The following HMBOX1 variants were observed in gnomAD, a reference collection of about 807,000 sequenced individuals.
HMBOX1 encodes the protein homeobox-containing protein 1.
In HMBOX1, 14 loss-of-function variants were observed where a neutral mutation model predicts 54.5. The ratio of observed to expected loss-of-function variants is 0.26; its 90% confidence interval spans 0.17 to 0.40. The LOEUF is 0.40. HMBOX1 is among the 10% of genes least tolerant of loss of function. The probability of loss-of-function intolerance (pLI) is 1.00; values close to 1 mark genes in which losing one functional copy is unlikely to be tolerated. For missense variants in HMBOX1, 332 were observed against 514.4 expected (o/e 0.65, Z 3.43); for synonymous variants, 160 against 181.0 (o/e 0.88, Z 0.93).
intron 1 of HMBOX1, among the ~76,000 whole-genome samples, chr8:28,905,322 A>G (rs1370794574): frequency 6.6e-6 from 1 of 152,054 alleles, no homozygotes; most frequent in Admixed American, 6.5e-5. Flanking sequence ...AAAACAAAAA[A>G]CCAGGCGCGC....
At chr8:28,974,751 G>A (rs1828088820) in intron 3 of HMBOX1, among the ~76,000 whole-genome samples, 2 of 152,096 alleles carry the variant, frequency 1.3e-5, no homozygotes, top group Admixed American at 1.3e-4. Flanking sequence ...AAATGTATGG[G>A]AATAGGTTTT....
intron 4 of HMBOX1, among the ~76,000 whole-genome samples, chr8:28,995,287 G>T (rs1001330958): frequency 6.6e-6 from 1 of 152,052 alleles, no homozygotes; most frequent in Admixed American, 6.5e-5. Context: ...TTTGTGTCGG[G>T]CTTCCTTTTA....
chr8:28,987,281 A>G (rs1345832773), intron 4 of HMBOX1, among the ~76,000 whole-genome samples: 1 of 152,194 alleles, frequency 6.6e-6, no homozygotes, highest in Non-Finnish European at 1.5e-5. Flanking sequence ...TTATGGGGAA[A>G]AGCCTGTACT....
chr8:29,006,730 T>A (rs1443164347), intron 4 of HMBOX1, among the ~76,000 whole-genome samples: 3 of 152,202 alleles, frequency 2.0e-5, no homozygotes, highest in African/African-American at 7.2e-5. Context: ...TTTTGTCCTC[T>A]TCTCACTATA....
chr8:28,959,724 GTAT>G (rs1351607361), intron 1 of HMBOX1, among the ~76,000 whole-genome samples: 1 of 152,074 alleles, frequency 6.6e-6, no homozygotes, highest in African/African-American at 2.4e-5. Flanking sequence ...CTATAGTTTA[GTAT>G]TATTAGAATT....
chr8:28,934,926 C>CA (rs71551611), intron 1 of HMBOX1, among the ~76,000 whole-genome samples: 53,198 of 110,488 alleles, frequency 0.48, 11,177 homozygotes, highest in Middle Eastern at 0.57. Context: ...GACTCCGTCT[C>CA]AAAAAAAAAA....
chr8:28,981,260 A>G (rs1829296549), intron 4 of HMBOX1, among the ~76,000 whole-genome samples: 2 of 152,188 alleles, frequency 1.3e-5, no homozygotes, highest in Admixed American at 6.5e-5. Flanking sequence ...ATTTTTATAA[A>G]TGACACTTCT....
At chr8:29,023,951 A>C (rs1801617583) in intron 6 of HMBOX1, among the ~76,000 whole-genome samples, 1 of 152,194 alleles carries the variant, frequency 6.6e-6, no homozygotes, top group African/African-American at 2.4e-5. Flanking sequence ...AGTGATTCTG[A>C]AGTGTAGGCT....
chr8:28,962,365 A>T (rs1422536796), intron 1 of HMBOX1, among the ~76,000 whole-genome samples: 1 of 152,214 alleles, frequency 6.6e-6, no homozygotes, highest in Non-Finnish European at 1.5e-5. Flanking sequence ...CTGTGAAATG[A>T]GGGTCTTTGA....
At chr8:29,037,995 T>G (rs1043271603) in intron 6 of HMBOX1, among the ~76,000 whole-genome samples, 2 of 152,236 alleles carry the variant, frequency 1.3e-5, no homozygotes, top group Admixed American at 1.3e-4. Context: ...ATGATGAGGT[T>G]TGAATATCTC....
intron 4 of HMBOX1, among the ~76,000 whole-genome samples, chr8:28,994,932 G>T (rs979809572): frequency 1.3e-5 from 2 of 152,056 alleles, no homozygotes; most frequent in African/African-American, 4.8e-5. Context: ...CATTAAATCA[G>T]CAAACTTTAG....
At chr8:28,902,536 A>T (rs2131583117) in intron 1 of HMBOX1, among the ~76,000 whole-genome samples, 1 of 152,122 alleles carries the variant, frequency 6.6e-6, no homozygotes, top group Non-Finnish European at 1.5e-5. Flanking sequence ...GAGCTAGCTT[A>T]CTCATGAGAC....
At chr8:29,046,840 G>A (rs1460850463) in intron 7 of HMBOX1, among the ~76,000 whole-genome samples, 5 of 152,182 alleles carry the variant, frequency 3.3e-5, no homozygotes, top group African/African-American at 1.2e-4. Context: ...AAGTTAGCCT[G>A]GTATGGTGGC....
chr8:29,003,328 G>T (rs1034086330), intron 4 of HMBOX1, among the ~76,000 whole-genome samples: 5 of 151,284 alleles, frequency 3.3e-5, no homozygotes, highest in African/African-American at 1.2e-4. Context: ...TCGAATAATA[G>T]GTTCATGTTT....
At chr8:28,903,917 A>G (rs1192098123) in intron 1 of HMBOX1, among the ~76,000 whole-genome samples, 2 of 152,202 alleles carry the variant, frequency 1.3e-5, no homozygotes, top group Non-Finnish European at 1.5e-5. Context: ...CACTACTGCA[A>G]TGGGAGTGCT....
chr8:28,928,009 C>A (rs945829565), intron 1 of HMBOX1, among the ~76,000 whole-genome samples: 2 of 151,714 alleles, frequency 1.3e-5, no homozygotes, highest in African/African-American at 4.8e-5. Context: ...GTGGCGTGCA[C>A]CTGTAGTCCC....
chr8:28,996,837 T>C (rs1304651762), intron 4 of HMBOX1, among the ~76,000 whole-genome samples: 1 of 152,206 alleles, frequency 6.6e-6, no homozygotes, highest in Admixed American at 6.5e-5. Context: ...ACTTGTCCCA[T>C]GTATTTTATT....
In HMBOX1 at chr8:28,970,937, A is replaced by C; in HGVS notation, c.500+418A>C. On this transcript the variant is annotated intron_variant, in intron 3 of 9. Coordinates refer to ENST00000287701, the MANE Select transcript of HMBOX1 (RefSeq NM_001135726.3). This position sits in a 1 kb window ranked among gnomAD's most constrained non-coding sequence, Gnocchi z 4.3. ...TGTTCAACATTCCAATCAAGAAAAT[A>C]ATTTGGGGTACCTATTATATAGGTT... Among the ~76,000 whole-genome samples the C allele has an allele frequency of 6.6e-6, 1 of 151,302 alleles. No homozygotes were observed. The highest frequency in any genetic ancestry group is 1.5e-5 in the Non-Finnish European group (1 of 67,870).
At chr8:28,969,901 C>T in intron 2 of HMBOX1, 142 bp from the exon 3 acceptor site, 2 of 623,362 alleles carry the variant, frequency 3.2e-6, no homozygotes, top group South Asian at 4.0e-5. Flanking sequence ...TGCCATGGCA[C>T]AATCATTCTA....
Sources: allele counts gnomAD v4.1 joint callset (sites outside exome capture counted in the v4.1 genomes callset), GRCh38; gene constraint gnomAD v4.1.1; non-coding constraint Gnocchi (gnomAD v3.1); transcripts MANE v1.5; gene names NCBI Gene and HGNC (gene_info 2026-07-23, HGNC 2026-07-21).